Variants in CLCN1 observed in about 807,000 individuals in gnomAD.
The protein encoded by CLCN1 is chloride voltage-gated channel 1.
Under a neutral mutation model 114.5 loss-of-function variants are expected in CLCN1, and 100 were observed. The observed-to-expected ratio is 0.87, with a 90% CI of 0.74 to 1.03. The LOEUF (loss-of-function observed/expected upper bound fraction) is 1.03. Among genes scored for constraint, CLCN1 ranks in the 50% least tolerant of loss-of-function variants. CLCN1 has a pLI of 0.00. For missense variants in CLCN1, 1,188 were observed against 1,250.0 expected (o/e 0.95, Z 0.75); for synonymous variants, 485 against 487.1 (o/e 1.00, Z 0.06).
intron 20 of CLCN1, among the ~76,000 whole-genome samples, chr7:143,348,928 C>A (rs1357150663): frequency 1.3e-5 from 2 of 152,092 alleles, no homozygotes; most frequent in Non-Finnish European, 2.9e-5. Context: ...TAATCCTGGG[C>A]AAATGACTTC....
At chr7:143,323,413 G>A (rs1320547439) in intron 6 of CLCN1, 27 bp downstream of exon 6, 1 of 1,510,978 alleles carries the variant, frequency 6.6e-7, no homozygotes, top group African/African-American at 1.4e-5. Context: ...GAAATGAGCT[G>A]GGGCCAGGTG....
chr7:143,317,583 T>C (rs576971098), intron 1 of CLCN1, among the ~76,000 whole-genome samples: 5 of 151,868 alleles, frequency 3.3e-5, no homozygotes, highest in Admixed American at 1.3e-4. Context: ...TTCTTTCTTT[T>C]TTTTTTTTTT....
chr7:143,345,308 C>T (rs1251576691), intron 16 of CLCN1, among the ~76,000 whole-genome samples: 2 of 152,184 alleles, frequency 1.3e-5, no homozygotes, highest in Non-Finnish European at 2.9e-5. Flanking sequence ...TAGTGCTCTA[C>T]CAATTGGCCC....
At chr7:143,329,630 G>A (rs1419289641) in intron 7 of CLCN1, among the ~76,000 whole-genome samples, 1 of 152,184 alleles carries the variant, frequency 6.6e-6, no homozygotes. Flanking sequence ...TTACTAGGAT[G>A]CGAGGTGCTG....
At chr7:143,338,110 C>T (rs887497308) in intron 12 of CLCN1, among the ~76,000 whole-genome samples, 4 of 152,138 alleles carry the variant, frequency 2.6e-5, no homozygotes, top group South Asian at 2.1e-4. Context: ...TTCCAAAGTG[C>T]TGGGATTACA....
Position 143,342,361 on chromosome 7 carries a change from TC to T in CLCN1, c.1797-8del. 6.2e-7 allele frequency: 1 copy of T among 1,614,122 alleles called. No homozygotes were observed. Among genetic ancestry groups the T allele is most frequent in the South Asian group, 1.1e-5 (1 of 91,048 alleles). ...GGTGGGGCTAACCCACCATGCTTTC[TC>T]CCTCCATAGCAAATATACCATCTTT... On this transcript the variant is annotated splice_polypyrimidine_tract_variant and intron_variant, in intron 15 of 22. Transcript: ENST00000343257.
chr7:143,331,212 C>T lies in CLCN1; in HGVS notation c.980-20C>T, dbSNP rs781765456. ...TTTCTACGAAGCTCCCATCGTAATA[C>T]TGGCCTTTCCATCCTACAGTCACCA... On this transcript the variant is annotated intron_variant, in intron 8 of 22. Coordinates refer to ENST00000343257, the MANE Select transcript of CLCN1 (RefSeq NM_000083.3). The T allele has an allele frequency of 1.3e-6, 2 of 1,564,336 alleles. No homozygotes were observed. Among genetic ancestry groups the T allele is most frequent in the African/African-American group, 2.7e-5 (2 of 73,884 alleles).
At chr7:143,342,270 A>C (rs1488632147) in intron 15 of CLCN1, 102 bp from the exon 16 acceptor site, 6 of 1,486,822 alleles carry the variant, frequency 4.0e-6, no homozygotes, top group Non-Finnish European at 5.6e-6. Flanking sequence ...TCATGCACCT[A>C]GTAGATATTG....
At chr7:143,334,253 G>GAAAA (rs1342832890) in intron 12 of CLCN1, among the ~76,000 whole-genome samples, 1 of 148,972 alleles carries the variant, frequency 6.7e-6, no homozygotes, top group Non-Finnish European at 1.5e-5. Context: ...TTTTTCTTTT[G>GAAAA]TGATGATTAT....
Position 143,350,418 on chromosome 7 carries a change from A to T in CLCN1, c.2450A>T (p.Asp817Val). The T allele has an allele frequency of 3.1e-6, 5 of 1,614,150 alleles. No individual in the cohort carries two copies. The highest frequency in any genetic ancestry group is 4.2e-6 in the Non-Finnish European group (5 of 1,180,014). Residue 817 changes from aspartate (D) to valine (V), a missense_variant, in exon 21 of 23, where the codon GAT becomes GTT. Asp to Val is a radical substitution (Grantham distance 152, BLOSUM62 -3). Transcript: ENST00000343257. This position sits in a 1 kb window ranked among gnomAD's most constrained non-coding sequence, Gnocchi z 5.1. The stretch of plus-strand genomic sequence containing the variant: ...CAGCTGAGCCAGCCTGTCTGTTTTG[A>T]TTCCTGCTGTATTGACCAGTCTCCC... ...QEQLSQPVCFDSCCIDQSPFQ... is the reference protein window; with the variant it reads ...QEQLSQPVCFVSCCIDQSPFQ...
intron 7 of CLCN1, among the ~76,000 whole-genome samples, chr7:143,325,993 G>A (rs538238484): frequency 3.3e-5 from 5 of 152,050 alleles, no homozygotes; most frequent in African/African-American, 1.2e-4. Flanking sequence ...ATTTGCAGGT[G>A]GCATTACTTG....
Position 143,350,331 on chromosome 7 carries a change from A to T in CLCN1, c.2404-41A>T. The T allele has an allele frequency of 6.6e-7, 1 of 1,526,148 alleles. No homozygotes were observed. The highest frequency in any genetic ancestry group is 9.1e-7 in the Non-Finnish European group (1 of 1,103,552). 94.5% of individuals were successfully genotyped at this position (1,526,148 alleles called of 1,614,324 possible). On this transcript the variant is annotated intron_variant, in intron 20 of 22. Transcript: ENST00000343257. This position sits in a 1 kb window ranked among gnomAD's most constrained non-coding sequence, Gnocchi z 5.1. ...AAAATCAGGTATCTGGGGTGAAAGG[A>T]GGCTCTGTGATTTTCGTGACTTTCC...
In CLCN1 at chr7:143,350,495, G is replaced by T; in HGVS notation, c.2508+19G>T. The T allele has an allele frequency of 6.2e-7, 1 of 1,611,072 alleles. No homozygotes were observed. The highest frequency in any genetic ancestry group is 2.2e-5 in the East Asian group (1 of 44,854). ...GCACAAGGTGAGTCTTTTGCTGACT[G>T]CTCAGGGCTGTGGGGAAGGCAGGAG... On this transcript the variant is annotated intron_variant, in intron 21 of 22. Transcript: ENST00000343257. The surrounding 1 kb of genome is among the most constrained non-coding windows in gnomAD (Gnocchi z 5.1).
intron 14 of CLCN1, among the ~76,000 whole-genome samples, chr7:143,340,958 C>T (rs116969897): frequency 6.6e-6 from 1 of 152,034 alleles, no homozygotes; most frequent in Non-Finnish European, 1.5e-5. Flanking sequence ...GGAGAAACAA[C>T]CAAAAATTAA....
chr7:143,325,141 C>A (rs193001938), intron 7 of CLCN1, among the ~76,000 whole-genome samples: 1 of 152,274 alleles, frequency 6.6e-6, no homozygotes, highest in East Asian at 1.9e-4. Flanking sequence ...AGAAAGCAGT[C>A]GTATCTGTTT....
rs755112173 is a variant in CLCN1 at position 143,320,707 on chromosome 7, G to A, written c.345G>A (p.Gly115=). Residue 115 remains glycine (G), a synonymous_variant, in exon 3 of 23, where the codon GGG becomes GGA. Transcript: ENST00000343257. The stretch of plus-strand genomic sequence containing the variant: ...GACAGGTGGTGAGAAGAAAATTAGG[G>A]GAAGACGGGATCTTTCTGGTGCTTC... ...RLGQVVRRKL[G]EDGIFLVLLG... 47 of 1,613,500 alleles carry A rather than the reference G, an allele frequency of 2.9e-5. No homozygotes were observed. The South Asian group carries it at 4.9e-4, about 17-fold the overall frequency.
At position 143,351,997 on chromosome 7, in the gene CLCN1, G is replaced by A; in HGVS notation, c.*32G>A. The A allele has an allele frequency of 6.2e-7, 1 of 1,612,226 alleles. No individual in the cohort carries two copies. The highest frequency in any genetic ancestry group is 8.5e-7 in the Non-Finnish European group (1 of 1,180,010). ...CCCACGACCTCCTCATAAAGACCGT[G>A]GAGAGGCCCAGCCTGAGGGTGAACT... On this transcript the variant is annotated 3_prime_UTR_variant, in exon 23 of 23. Transcript: ENST00000343257.
rs1803186523 is a variant in CLCN1, at chr7:143,344,883, TG to T, written c.1931-635del. Among the ~76,000 whole-genome samples the T allele has an allele frequency of 5.3e-5, 8 of 152,086 alleles. No individual in the cohort carries two copies. The South Asian group carries it at 1.0e-3, about 20-fold the overall frequency. On this transcript the variant is annotated intron_variant, in intron 16 of 22. Coordinates refer to ENST00000343257, the MANE Select transcript of CLCN1 (RefSeq NM_000083.3). ...CTCCTGCCTCAGCCTCCCAAGTAGC[TG>T]GGATTACAGGCGCCTGCCACCACGC... is the stretch of plus-strand genomic sequence containing the variant.
intron 7 of CLCN1, among the ~76,000 whole-genome samples, chr7:143,327,095 AAT>A (rs1350153613): frequency 6.6e-6 from 1 of 152,026 alleles, no homozygotes; most frequent in Non-Finnish European, 1.5e-5. Context: ...AGAATACAAA[AAT>A]TAGCTGGGTG....
Sources: gnomAD v4.1 joint callset for allele counts (sites outside exome capture counted in the v4.1 genomes callset) on GRCh38, gnomAD v4.1.1 for gene constraint, Gnocchi (gnomAD v3.1) non-coding constraint, MANE v1.5 for transcripts, NCBI Gene and HGNC (gene_info 2026-07-23, HGNC 2026-07-21) for gene names.